PBX1: variants seen among roughly 807,000 people sequenced by gnomAD.
PBX1 encodes PBX homeobox 1.
Under a neutral mutation model 53.4 loss-of-function variants are expected in PBX1, and 6 were observed. That is an observed-to-expected ratio of 0.11 (90% CI 0.06 to 0.22). The LOEUF is 0.22. Ranked by LOEUF, PBX1 falls within the 10% of genes least tolerant of loss-of-function variation. The probability of loss-of-function intolerance (pLI) is 1.00; values close to 1 mark genes in which losing one functional copy is unlikely to be tolerated. For synonymous variants in PBX1, 204 were observed against 212.3 expected (o/e 0.96, Z 0.34); for missense variants, 251 against 551.4 (o/e 0.46, Z 5.46).
chr1:164,717,972 T>C (rs982992519), intron 2 of PBX1, among the ~76,000 whole-genome samples: 1 of 152,240 alleles, frequency 6.6e-6, no homozygotes, highest in East Asian at 1.9e-4. Context: ...ACCATATTTG[T>C]TGATTTAATT....
At chr1:164,693,057 G>A (rs752126109) in intron 2 of PBX1, among the ~76,000 whole-genome samples, 5 of 152,162 alleles carry the variant, frequency 3.3e-5, no homozygotes, top group African/African-American at 4.8e-5. Context: ...ACCACTGTTC[G>A]CCAAGGTCAC....
At chr1:164,774,105 C>T (rs1349431153) in intron 2 of PBX1, among the ~76,000 whole-genome samples, 1 of 152,104 alleles carries the variant, frequency 6.6e-6, no homozygotes, top group Non-Finnish European at 1.5e-5. Flanking sequence ...AATTGTTTTA[C>T]ATAGTGGGGT....
chr1:164,870,267 T>A (rs541425395), intron 2 of PBX1, among the ~76,000 whole-genome samples: 5 of 18,736 alleles, frequency 2.7e-4, no homozygotes, highest in Non-Finnish European at 6.5e-4. Flanking sequence ...CCTTCCTTCC[T>A]TCTTTCTTTC....
intron 2 of PBX1, among the ~76,000 whole-genome samples, chr1:164,882,080 G>A (rs1490969930): frequency 6.6e-6 from 1 of 151,176 alleles, no homozygotes; most frequent in East Asian, 1.9e-4. Context: ...TCAGTTTCAT[G>A]CAATCCAAAT....
At chr1:164,726,816 C>T (rs1207800048) in intron 2 of PBX1, among the ~76,000 whole-genome samples, 6 of 152,238 alleles carry the variant, frequency 3.9e-5, no homozygotes, top group African/African-American at 2.4e-5. Flanking sequence ...TCTAGAGGCC[C>T]GTCTGGAACA....
At chr1:164,619,477 T>C (rs1442051449) in intron 2 of PBX1, among the ~76,000 whole-genome samples, 1 of 151,840 alleles carries the variant, frequency 6.6e-6, no homozygotes, top group Non-Finnish European at 1.5e-5. Flanking sequence ...CGGTGGGGAG[T>C]GCTCAAGGAG....
intron 2 of PBX1, among the ~76,000 whole-genome samples, chr1:164,625,188 G>A (rs1300557549): frequency 6.6e-6 from 1 of 152,154 alleles, no homozygotes; most frequent in Non-Finnish European, 1.5e-5. Flanking sequence ...GAGGCTTGCA[G>A]TATCACACTT....
chr1:164,837,186 G>A (rs537753853), intron 8 of PBX1, among the ~76,000 whole-genome samples: 124 of 152,262 alleles, frequency 8.1e-4, no homozygotes, highest in African/African-American at 2.5e-3. Context: ...ACCGTTCACC[G>A]TTAAGATGTG....
intron 2 of PBX1, among the ~76,000 whole-genome samples, chr1:164,722,218 G>T (rs1224022483): frequency 1.3e-5 from 2 of 152,042 alleles, no homozygotes; most frequent in Admixed American, 1.3e-4. Context: ...CTTATGCTGC[G>T]ATCAATGGGT....
intron 6 of PBX1, chr1:164,816,270 A>ATT (rs2102354858): frequency 6.6e-6 from 1 of 152,302 alleles, no homozygotes; most frequent in South Asian, 2.1e-4. Flanking sequence ...GAATTTTGGA[A>ATT]TTCACAAAGG....
intron 8 of PBX1, 93 bp downstream of exon 8, chr1:164,821,719 G>A: frequency 1.1e-6 from 1 of 906,600 alleles, no homozygotes; most frequent in Non-Finnish European, 1.8e-6. Flanking sequence ...CCACTTAGTA[G>A]GGCTTATCTT....
chr1:164,839,769 C>T (rs1482823748), intron 8 of PBX1, among the ~76,000 whole-genome samples: 7 of 152,098 alleles, frequency 4.6e-5, no homozygotes, highest in African/African-American at 1.7e-4. Flanking sequence ...CTGCATTGCA[C>T]TGCTAATCTT....
chr1:164,570,788 C>G (rs1653790086), intron 2 of PBX1, among the ~76,000 whole-genome samples: 1 of 152,190 alleles, frequency 6.6e-6, no homozygotes, highest in Non-Finnish European at 1.5e-5. Flanking sequence ...GCCACACTGT[C>G]TTCCACAATG....
intron 2 of PBX1, among the ~76,000 whole-genome samples, chr1:164,862,249 G>T (rs1421197436): frequency 6.6e-6 from 1 of 152,216 alleles, no homozygotes; most frequent in South Asian, 2.1e-4. Flanking sequence ...ACCTTCCTTT[G>T]CACACACGAT....
At chr1:164,806,720 A>T (rs1054151197) in intron 4 of PBX1, among the ~76,000 whole-genome samples, 1 of 152,202 alleles carries the variant, frequency 6.6e-6, no homozygotes, top group Non-Finnish European at 1.5e-5. Context: ...CCTCAGTAGT[A>T]GTGAAAAATG....
intron 8 of PBX1, among the ~76,000 whole-genome samples, chr1:164,827,382 T>G (rs147024090): frequency 2.6e-4 from 40 of 152,338 alleles, no homozygotes; most frequent in African/African-American, 8.9e-4. Context: ...GTTGGTTGTC[T>G]TTGGGTACCT....
intron 8 of PBX1, among the ~76,000 whole-genome samples, chr1:164,823,617 TGG>T (rs10588514): frequency 5.6e-4 from 26 of 46,060 alleles, no homozygotes; most frequent in South Asian, 1.7e-3. Context: ...CTCTGGGGGG[TGG>T]GGGGGGGGGT....
chr1:164,657,927 G>A (rs561955965), intron 2 of PBX1, among the ~76,000 whole-genome samples: 24 of 152,302 alleles, frequency 1.6e-4, no homozygotes, highest in Admixed American at 1.2e-3. Flanking sequence ...GCCACTCCAT[G>A]TCTTGCCATC....
intron 8 of PBX1, among the ~76,000 whole-genome samples, chr1:164,826,392 TTTTG>T (rs933549179): frequency 2.0e-5 from 3 of 152,200 alleles, no homozygotes; most frequent in South Asian, 2.1e-4. Context: ...GGTAAACCTT[TTTTG>T]TTTGTTTGTT....
Sources: gnomAD v4.1 joint callset for allele counts (sites outside exome capture counted in the v4.1 genomes callset) on GRCh38, gnomAD v4.1.1 for gene constraint, MANE v1.5 for transcripts, NCBI Gene and HGNC (gene_info 2026-07-23, HGNC 2026-07-21) for gene names.